The following ZRANB3 variants were observed in gnomAD, a reference collection of about 807,000 sequenced individuals.
ZRANB3 encodes DNA annealing helicase and endonuclease ZRANB3.
A neutral mutation model predicts 133.8 loss-of-function variants in ZRANB3; 125 were observed. The ratio of observed to expected loss-of-function variants is 0.93; its 90% CI spans 0.81 to 1.08. The LOEUF (loss-of-function observed/expected upper bound fraction) is 1.08. Ranked by LOEUF, ZRANB3 falls within the 50% of genes least tolerant of loss-of-function variation. The pLI, the probability that ZRANB3 is intolerant of heterozygous loss-of-function variation, is 0.00. For synonymous variants in ZRANB3, 387 were observed against 432.7 expected (o/e 0.89, Z 1.31); for missense variants, 1,229 against 1,275.5 (o/e 0.96, Z 0.56).
At chr2:135,439,344 A>T (rs973730220) in intron 2 of ZRANB3, among the ~76,000 whole-genome samples, 1 of 152,196 alleles carries the variant, frequency 6.6e-6, no homozygotes, top group African/African-American at 2.4e-5. Flanking sequence ...CAATCTATAT[A>T]AAAAAAGATG....
intron 2 of ZRANB3, among the ~76,000 whole-genome samples, chr2:135,443,321 C>T (rs1198831060): frequency 1.5e-5 from 2 of 129,414 alleles, no homozygotes; most frequent in Non-Finnish European, 3.1e-5. Context: ...GGCAGTTGAA[C>T]AATGAGAATA....
intron 8 of ZRANB3, among the ~76,000 whole-genome samples, chr2:135,280,672 A>G (rs1339306945): frequency 6.6e-6 from 1 of 152,236 alleles, no homozygotes; most frequent in Non-Finnish European, 1.5e-5. Flanking sequence ...AAAAGTAGTT[A>G]AAGAAAAATC....
intron 3 of ZRANB3, among the ~76,000 whole-genome samples, chr2:135,356,521 T>C (rs1655393980): frequency 6.6e-6 from 1 of 152,164 alleles, no homozygotes; most frequent in South Asian, 2.1e-4. Flanking sequence ...AGAAGAATCC[T>C]GATATGCTGG....
intron 3 of ZRANB3, among the ~76,000 whole-genome samples, chr2:135,359,467 C>T (rs1685576249): frequency 6.6e-6 from 1 of 151,036 alleles, no homozygotes; most frequent in African/African-American, 2.4e-5. Flanking sequence ...GCCTACAGTC[C>T]AACTAATGGG....
At chr2:135,387,090 G>A (rs539227590) in intron 3 of ZRANB3, among the ~76,000 whole-genome samples, 140 of 152,062 alleles carry the variant, frequency 9.2e-4, no homozygotes, top group African/African-American at 2.9e-3. Context: ...TCTAAAGCTA[G>A]GGAGAAAAGA....
intron 4 of ZRANB3, among the ~76,000 whole-genome samples, chr2:135,352,545 G>A (rs984781318): frequency 7.9e-5 from 12 of 151,724 alleles, no homozygotes; most frequent in African/African-American, 2.7e-4. Flanking sequence ...GATTTTCTTG[G>A]GCCCATAAAG....
chr2:135,321,183 T>G (rs1314297655), intron 6 of ZRANB3, among the ~76,000 whole-genome samples: 1 of 152,184 alleles, frequency 6.6e-6, no homozygotes, highest in African/African-American at 2.4e-5. Context: ...GATTTCTGAT[T>G]TGTATTGTCA....
intron 1 of ZRANB3, among the ~76,000 whole-genome samples, chr2:135,528,142 T>C (rs1006336488): frequency 3.6e-5 from 5 of 139,592 alleles, no homozygotes; most frequent in Non-Finnish European, 6.2e-5. Flanking sequence ...CTTAAAGCTC[T>C]TTTTTTTTTT....
At chr2:135,248,951 C>T (rs1193350054) in intron 12 of ZRANB3, among the ~76,000 whole-genome samples, 1 of 152,116 alleles carries the variant, frequency 6.6e-6, no homozygotes, top group African/African-American at 2.4e-5. Context: ...AATGAACAGA[C>T]ACTTCTCAAA....
intron 13 of ZRANB3, 54 bp from the exon 14 acceptor site, chr2:135,228,069 G>A (rs1387862726): frequency 7.2e-7 from 1 of 1,382,912 alleles, no homozygotes; most frequent in Non-Finnish European, 9.8e-7. Flanking sequence ...TAAAAGTAAA[G>A]TAAAAAGAAT....
At chr2:135,275,212 G>A (rs1402628500) in intron 9 of ZRANB3, among the ~76,000 whole-genome samples, 9 of 150,466 alleles carry the variant, frequency 6.0e-5, no homozygotes, top group Admixed American at 1.3e-4. Context: ...GGGCAGAGGC[G>A]CCCCCCACCT....
In ZRANB3 at chr2:135,531,175, G is replaced by C. The variant is rs923675108; in HGVS notation, c.-56C>G. The C allele has an allele frequency of 1.1e-4, 16 of 152,204 alleles. No individual in the cohort carries two copies. The highest frequency in any genetic ancestry group is 8.5e-4 in the Admixed American group (13 of 15,274). 9.4% of individuals were successfully genotyped at this position (152,204 alleles called of 1,614,324 possible). A position where few individuals can be genotyped will look rare whatever the true frequency, so the allele number is the denominator to read the frequency against. ...AACTCCGCACCTCAGGCTCCAACTC[G>C]TGGGAAAAGGTAGCTCTTTTACAAG... On this transcript the variant is annotated 5_prime_UTR_variant, in exon 1 of 21. Coordinates refer to ENST00000264159, the MANE Select transcript of ZRANB3 (RefSeq NM_032143.4).
intron 1 of ZRANB3, among the ~76,000 whole-genome samples, chr2:135,506,552 C>A (rs778492648): frequency 2.0e-5 from 3 of 152,044 alleles, no homozygotes; most frequent in Non-Finnish European, 4.4e-5. Context: ...CTGTCGCATA[C>A]ACCATTAACA....
chr2:135,426,559 G>A (rs1441975090), intron 2 of ZRANB3, among the ~76,000 whole-genome samples: 1 of 151,888 alleles, frequency 6.6e-6, no homozygotes, highest in Non-Finnish European at 1.5e-5. Flanking sequence ...GCCGGGCACG[G>A]TGGCTCATGC....
At chr2:135,429,433 T>C (rs1353964545) in intron 2 of ZRANB3, among the ~76,000 whole-genome samples, 1 of 152,108 alleles carries the variant, frequency 6.6e-6, no homozygotes, top group Non-Finnish European at 1.5e-5. Flanking sequence ...GCTTATCACT[T>C]AGATGTCAAA....
intron 12 of ZRANB3, among the ~76,000 whole-genome samples, chr2:135,232,672 C>T (rs1339708093): frequency 6.6e-6 from 1 of 152,170 alleles, no homozygotes; most frequent in East Asian, 1.9e-4. Flanking sequence ...CTTCTGATAC[C>T]CAGGCAAACA....
chr2:135,205,972 T>C (rs1693839310), intron 19 of ZRANB3, among the ~76,000 whole-genome samples: 1 of 152,090 alleles, frequency 6.6e-6, no homozygotes, highest in African/African-American at 2.4e-5. Flanking sequence ...CCAAAATAAC[T>C]GAATGAGAAT....
rs111313775 is a variant in ZRANB3, at chr2:135,509,690, C to T, written c.-7-5194G>A. ...AAAAACTCTACTTCAAAAAAACTAA[C>T]AGTTCAAGAAAAGCCCATCCAGTTG... On this transcript the variant is annotated intron_variant, in intron 1 of 20. Coordinates refer to ENST00000264159, the MANE Select transcript of ZRANB3 (RefSeq NM_032143.4). Among the ~76,000 whole-genome samples, 156 of 152,202 alleles carry T rather than the reference C, an allele frequency of 1.0e-3. 1 individual carries two copies. Among genetic ancestry groups the T allele is most frequent in the African/African-American group, 3.6e-3 (151 of 41,556 alleles).
At chr2:135,241,255 A>T (rs1007879977) in intron 12 of ZRANB3, among the ~76,000 whole-genome samples, 1 of 150,446 alleles carries the variant, frequency 6.6e-6, no homozygotes, top group Non-Finnish European at 1.5e-5. Flanking sequence ...TTGTCTTTTT[A>T]CCCTGTAAAC....
Sources: gnomAD v4.1 joint callset for allele counts (sites outside exome capture counted in the v4.1 genomes callset) on GRCh38, gnomAD v4.1.1 for gene constraint, MANE v1.5 for transcripts, NCBI Gene and HGNC (gene_info 2026-07-23, HGNC 2026-07-21) for gene names.